Variants in STOML3 observed in about 807,000 individuals in gnomAD.
STOML3 encodes the protein stomatin like 3.
Under a neutral mutation model 29.5 loss-of-function variants are expected in STOML3, and 31 were observed. The ratio of observed to expected loss-of-function variants is 1.05; its 90% CI spans 0.79 to 1.42. The LOEUF is 1.42. STOML3 is among the 40% of genes most tolerant of loss of function. The pLI is 0.00. For synonymous variants in STOML3, 122 were observed against 139.8 expected (o/e 0.87, Z 0.90); for missense variants, 380 against 363.0 (o/e 1.05, Z -0.38).
chr13:38,990,632 T>C (rs1471700357), intron 1 of STOML3, 38 bp downstream of exon 1: 6 of 1,609,362 alleles, frequency 3.7e-6, no homozygotes, highest in Non-Finnish European at 5.1e-6. Flanking sequence ...TTGCCATATA[T>C]GTAAAAAACA....
chr13:38,967,871 A>G (rs1255483827), intron 6 of STOML3, among the ~76,000 whole-genome samples: 1 of 152,236 alleles, frequency 6.6e-6, no homozygotes, highest in African/African-American at 2.4e-5. Context: ...TTTCAAGGAC[A>G]TTCAGAGCCA....
chr13:38,969,579 C>T (rs1055172421), intron 5 of STOML3, among the ~76,000 whole-genome samples: 2 of 152,164 alleles, frequency 1.3e-5, no homozygotes, highest in African/African-American at 4.8e-5. Context: ...ATATAATTGA[C>T]TTACAGAAAG....
chr13:38,973,280 CA>C (rs35160552), intron 3 of STOML3, among the ~76,000 whole-genome samples: 104 of 144,810 alleles, frequency 7.2e-4, no homozygotes, highest in Middle Eastern at 3.5e-3. Context: ...AAAACTCTGT[CA>C]AAAAAAAAAA....
At chr13:38,983,441 C>T (rs1004924102) in intron 1 of STOML3, among the ~76,000 whole-genome samples, 1 of 152,048 alleles carries the variant, frequency 6.6e-6, no homozygotes, top group South Asian at 2.1e-4. Flanking sequence ...TTTTCTTTTA[C>T]CAAATCGGAT....
Position 38,966,807 on chromosome 13 carries a change from G to A in STOML3, c.*18C>T. The A allele has an allele frequency of 1.2e-6, 2 of 1,604,004 alleles. No individual in the cohort carries two copies. Among genetic ancestry groups the A allele is most frequent in the Non-Finnish European group, 1.7e-6 (2 of 1,172,604 alleles). On this transcript the variant is annotated 3_prime_UTR_variant, in exon 7 of 7. Transcript: ENST00000379631. ...AGACACCACTCTCTATGCAATAGCT[G>A]ACTACCGCAAGAGGACCTCAGGCTT...
chr13:38,974,125 C>T (rs771852516), intron 3 of STOML3, among the ~76,000 whole-genome samples: 2 of 152,000 alleles, frequency 1.3e-5, no homozygotes, highest in Non-Finnish European at 2.9e-5. Flanking sequence ...ATTTAAGGAC[C>T]CTGGGAACTC....
At chr13:38,976,512 T>C in intron 3 of STOML3, 28 bp downstream of exon 3, 1 of 1,613,398 alleles carries the variant, frequency 6.2e-7, no homozygotes. Flanking sequence ...CCCTGATCTT[T>C]CAGGGGCAGC....
chr13:38,967,948 G>A lies in STOML3; in HGVS notation c.651+452C>T, dbSNP rs545453929. ...AATTGCCCCCTTTTATTCCAGCAACGTTTAATATACAAGAACAACAATGCG... is the reference window on the plus strand; with the variant it reads ...AATTGCCCCCTTTTATTCCAGCAACATTTAATATACAAGAACAACAATGCG... On this transcript the variant is annotated intron_variant, in intron 6 of 6. Coordinates refer to ENST00000379631, the MANE Select transcript of STOML3 (RefSeq NM_145286.3). 4.6e-5 allele frequency among the ~76,000 whole-genome samples: 7 copies of A among 152,220 alleles called. No individual in the cohort carries two copies. In the East Asian group the frequency reaches 5.8e-4, roughly 13 times the overall value.
In STOML3 at chr13:38,966,300, C is replaced by T. The variant is rs1880641436; in HGVS notation, c.*525G>A. 2 of 152,664 alleles carry T rather than the reference C, an allele frequency of 1.3e-5. No individual in the cohort carries two copies. Among genetic ancestry groups the T allele is most frequent in the South Asian group, 4.1e-4 (2 of 4,856 alleles). The allele number at this position is 152,664 out of a possible 1,614,324, so 9.5% of individuals were successfully genotyped here. A position where few individuals can be genotyped will look rare whatever the true frequency, so the allele number is the denominator to read the frequency against. Reference sequence around the variant, plus strand: ...TGTGGCACGGGGGACATGTTTGAGCCTGGAAGTTTCCATACTTCTTTTGTT... The same window carrying T: ...TGTGGCACGGGGGACATGTTTGAGCTTGGAAGTTTCCATACTTCTTTTGTT... On this transcript the variant is annotated 3_prime_UTR_variant, in exon 7 of 7. Transcript: ENST00000379631.
chr13:38,971,217 G>C (rs1271195383), intron 4 of STOML3, among the ~76,000 whole-genome samples: 1 of 152,092 alleles, frequency 6.6e-6, no homozygotes, highest in Non-Finnish European at 1.5e-5. Flanking sequence ...ATTTTTAGTA[G>C]AGATGAGGTT....
At chr13:38,979,212 C>A (rs1881191729) in intron 1 of STOML3, among the ~76,000 whole-genome samples, 1 of 152,132 alleles carries the variant, frequency 6.6e-6, no homozygotes, top group Non-Finnish European at 1.5e-5. Flanking sequence ...AGCTTTGGAC[C>A]CACATGGAGG....
rs761233084 is a variant in STOML3 at position 38,976,740 on chromosome 13, A to G, written c.110T>C (p.Leu37Pro). The G allele has an allele frequency of 6.2e-7, 1 of 1,614,106 alleles. No homozygotes were observed. The highest frequency in any genetic ancestry group is 8.5e-7 in the Non-Finnish European group (1 of 1,179,994). ...GATGGGGAAGGTAATGATCACCAAC[A>G]GGAAAGAGAGGGAAAACAGGATCCA... ...CGWILFSLSFLLVIITFPISI... is the reference protein window; with the variant it reads ...CGWILFSLSFPLVIITFPISI... The change falls in exon 2 of 7, where the codon CTG (leucine) becomes CCG (proline). Residue 37 changes from leucine (L) to proline (P), a missense_variant. Transcript: ENST00000379631.
intron 1 of STOML3, among the ~76,000 whole-genome samples, chr13:38,979,849 G>A (rs191974780): frequency 2.6e-5 from 4 of 152,212 alleles, no homozygotes; most frequent in South Asian, 4.1e-4. Context: ...CCTCCCTCCC[G>A]GCACTGAAAT....
intron 1 of STOML3, chr13:38,980,011 C>T: frequency 6.5e-7 from 1 of 1,540,436 alleles, no homozygotes; most frequent in Non-Finnish European, 8.8e-7. Context: ...TTAACACCAG[C>T]TGCACAAGCA....
chr13:38,966,911 T>C lies in STOML3; in HGVS notation c.790A>G (p.Ile264Val), dbSNP rs775498714. 10 of 1,613,914 alleles carry C rather than the reference T, an allele frequency of 6.2e-6. No homozygotes were observed. The highest frequency in any genetic ancestry group is 1.7e-4 in the Middle Eastern group (1 of 6,050). The change falls in exon 7 of 7, where the codon ATT becomes GTT. Residue 264 changes from isoleucine to valine, a missense_variant. Coordinates refer to ENST00000379631, the MANE Select transcript of STOML3 (RefSeq NM_145286.3). ...STVATEKNST[I>V]VFPLPMNILE... ...ATATTCATGGGCAGAGGAAACACAA[T>C]CGTAGAATTCTTCTCGGTGGCTACC...
intron 1 of STOML3, among the ~76,000 whole-genome samples, chr13:38,983,467 T>C (rs1881335767): frequency 6.6e-6 from 1 of 152,216 alleles, no homozygotes; most frequent in Admixed American, 6.5e-5. Flanking sequence ...ATATCAATTG[T>C]GGATGTTCTG....
intron 3 of STOML3, among the ~76,000 whole-genome samples, chr13:38,973,096 T>TAA (rs71074495): frequency 0.022 from 724 of 32,492 alleles, 103 homozygotes; most frequent in East Asian, 0.066. Context: ...CCGTCTCTAC[T>TAA]AAAAAAAAAA....
chr13:38,966,869 C>T lies in STOML3; in HGVS notation c.832G>A (p.Gly278Ser). The T allele has an allele frequency of 6.2e-7, 1 of 1,613,748 alleles. No homozygotes were observed. Among genetic ancestry groups the T allele is most frequent in the Non-Finnish European group, 8.5e-7 (1 of 1,179,976 alleles). ...LPMNILEGIG[G>S]VSYDNHKKLP... Reference sequence around the variant, plus strand: ...TTCTTGTGGTTATCATAGCTGACGCCACCAATGCCCTCTAGTATATTCATG... The same window carrying T: ...TTCTTGTGGTTATCATAGCTGACGCTACCAATGCCCTCTAGTATATTCATG... Residue 278 changes from glycine (G) to serine (S), a missense_variant, in exon 7 of 7, where the codon GGC becomes AGC. Gly to Ser is a moderately conservative substitution (Grantham distance 56). Transcript: ENST00000379631.
chr13:38,969,079 T>G (rs898527418), intron 5 of STOML3, among the ~76,000 whole-genome samples: 1 of 152,198 alleles, frequency 6.6e-6, no homozygotes, highest in African/African-American at 2.4e-5. Flanking sequence ...AATGACTCAA[T>G]GCATATTATT....
Sources: allele counts gnomAD v4.1 joint callset (sites outside exome capture counted in the v4.1 genomes callset), GRCh38; gene constraint gnomAD v4.1.1; transcripts MANE v1.5; gene names NCBI Gene and HGNC (gene_info 2026-07-23, HGNC 2026-07-21).